Variants in ATP6V1H observed in about 807,000 individuals in gnomAD.
The protein encoded by ATP6V1H is V-type proton ATPase subunit H.
In ATP6V1H, 39 loss-of-function variants were observed where a neutral mutation model predicts 71.7. The observed-to-expected ratio is 0.54, with a 90% confidence interval of 0.42 to 0.71. The LOEUF (loss-of-function observed/expected upper bound fraction) is 0.71. Among genes scored for constraint, ATP6V1H ranks in the 30% least tolerant of loss-of-function variants. The pLI is 0.00. For missense variants in ATP6V1H, 509 were observed against 594.9 expected (o/e 0.86, Z 1.50); for synonymous variants, 192 against 199.3 (o/e 0.96, Z 0.31).
intron 9 of ATP6V1H, among the ~76,000 whole-genome samples, chr8:53,789,770 A>C (rs1194325498): frequency 2.0e-5 from 3 of 152,332 alleles, no homozygotes; most frequent in East Asian, 3.9e-4. Context: ...TACAATTTGA[A>C]AAATAGATAT....
chr8:53,822,830 G>C (rs1810703769), intron 4 of ATP6V1H, among the ~76,000 whole-genome samples: 1 of 151,978 alleles, frequency 6.6e-6, no homozygotes, highest in Non-Finnish European at 1.5e-5. Context: ...ACAACAAGAA[G>C]CCATGAGTTG....
intron 9 of ATP6V1H, among the ~76,000 whole-genome samples, chr8:53,780,001 A>T (rs1017669320): frequency 6.6e-6 from 1 of 152,064 alleles, no homozygotes; most frequent in Non-Finnish European, 1.5e-5. Flanking sequence ...TGTACTAAAA[A>T]TACAAAAATT....
Position 53,759,389 on chromosome 8 carries a change from C to T in ATP6V1H, c.1176-2733G>A, listed in dbSNP as rs139136227. Among the ~76,000 whole-genome samples, 335 of 152,318 alleles carry T rather than the reference C, an allele frequency of 2.2e-3. 2 individuals carry two copies. The highest frequency in any genetic ancestry group is 7.8e-3 in the African/African-American group (324 of 41,566). On this transcript the variant is annotated intron_variant, in intron 11 of 13. Coordinates refer to ENST00000359530, the MANE Select transcript of ATP6V1H (RefSeq NM_015941.4). The stretch of plus-strand genomic sequence containing the variant: ...TCAAAAAAAGACATTTTATGGTATG[C>T]AATGAGAGAACTCCCTCCAAGATGT...
intron 9 of ATP6V1H, among the ~76,000 whole-genome samples, chr8:53,789,102 C>T (rs1183677852): frequency 6.6e-6 from 1 of 152,102 alleles, no homozygotes; most frequent in Non-Finnish European, 1.5e-5. Flanking sequence ...TGAATAAATA[C>T]AAGAGGAAGA....
chr8:53,761,593 C>T (rs190551285), intron 11 of ATP6V1H, among the ~76,000 whole-genome samples: 1 of 152,146 alleles, frequency 6.6e-6, no homozygotes, highest in Non-Finnish European at 1.5e-5. Context: ...TTAAAAAAAA[C>T]CTCCAAGCTC....
chr8:53,808,060 T>C (rs902903859), intron 7 of ATP6V1H, among the ~76,000 whole-genome samples: 4 of 152,202 alleles, frequency 2.6e-5, no homozygotes, highest in Non-Finnish European at 5.9e-5. Context: ...TGACACAGCA[T>C]TCATCTAGCA....
chr8:53,752,053 T>C (rs752798265), intron 12 of ATP6V1H, among the ~76,000 whole-genome samples: 9 of 152,216 alleles, frequency 5.9e-5, no homozygotes, highest in Non-Finnish European at 7.3e-5. Context: ...AAACCTATCA[T>C]TTAAGTTCCA....
chr8:53,732,831 C>A (rs1246429471), intron 13 of ATP6V1H, among the ~76,000 whole-genome samples: 1 of 152,076 alleles, frequency 6.6e-6, no homozygotes, highest in Non-Finnish European at 1.5e-5. Flanking sequence ...CAGAGGCCAG[C>A]AGCCCCCCAG....
intron 13 of ATP6V1H, among the ~76,000 whole-genome samples, chr8:53,735,380 T>TCG (rs1479240706): frequency 3.3e-5 from 5 of 152,170 alleles, no homozygotes; most frequent in Admixed American, 3.3e-4. Context: ...ACAGCAAAGT[T>TCG]ATTAAAGATC....
chr8:53,828,009 T>C (rs1167471090), intron 4 of ATP6V1H, among the ~76,000 whole-genome samples: 6 of 152,200 alleles, frequency 3.9e-5, no homozygotes, highest in Non-Finnish European at 7.3e-5. Flanking sequence ...CAATCTGCCA[T>C]TGATGGGCAT....
intron 4 of ATP6V1H, among the ~76,000 whole-genome samples, chr8:53,823,485 G>T (rs906065743): frequency 6.6e-5 from 10 of 151,904 alleles, no homozygotes; most frequent in East Asian, 1.9e-4. Flanking sequence ...CTTAATTTTT[G>T]GGGGGGCGGG....
At chr8:53,793,775 C>T (rs932808987) in intron 9 of ATP6V1H, among the ~76,000 whole-genome samples, 1 of 152,042 alleles carries the variant, frequency 6.6e-6, no homozygotes, top group South Asian at 2.1e-4. Flanking sequence ...CCCATCTCTA[C>T]TAAAAACACA....
intron 6 of ATP6V1H, among the ~76,000 whole-genome samples, chr8:53,812,796 G>A (rs550434607): frequency 6.6e-6 from 1 of 152,186 alleles, no homozygotes; most frequent in East Asian, 1.9e-4. Flanking sequence ...TCAGGCTCAG[G>A]TGATCCTTCT....
At chr8:53,759,116 G>C (rs1233790851) in intron 11 of ATP6V1H, among the ~76,000 whole-genome samples, 1 of 152,154 alleles carries the variant, frequency 6.6e-6, no homozygotes, top group Non-Finnish European at 1.5e-5. Flanking sequence ...ATTTTAACAA[G>C]ATCTCCATTA....
At chr8:53,825,651 T>C (rs897891512) in intron 4 of ATP6V1H, among the ~76,000 whole-genome samples, 11 of 152,152 alleles carry the variant, frequency 7.2e-5, no homozygotes, top group African/African-American at 2.2e-4. Flanking sequence ...CCAACCACTA[T>C]GGCAAAGACT....
At chr8:53,732,735 G>C (rs914113888) in intron 13 of ATP6V1H, among the ~76,000 whole-genome samples, 1 of 151,270 alleles carries the variant, frequency 6.6e-6, no homozygotes, top group East Asian at 1.9e-4. Context: ...AGAAATCCCA[G>C]AAACAACAAG....
chr8:53,767,085 G>A (rs1808497750), intron 11 of ATP6V1H, among the ~76,000 whole-genome samples: 1 of 152,116 alleles, frequency 6.6e-6, no homozygotes, highest in South Asian at 2.1e-4. Context: ...CGGATGCCCA[G>A]CTTTAAAATT....
Position 53,837,652 on chromosome 8 carries a change from C to G in ATP6V1H, c.113+3926G>C, listed in dbSNP as rs868288821. Among the ~76,000 whole-genome samples, 7 of 152,220 alleles carry G rather than the reference C, an allele frequency of 4.6e-5. 1 individual carries two copies. The South Asian group carries it at 1.5e-3, about 32-fold the overall frequency. On this transcript the variant is annotated intron_variant, in intron 2 of 13. Transcript: ENST00000359530. ...CTGAGGTTTGCTATGTGAGAAAGATCAAGAAGGCGGGAGCTAGAGAGCTGT... is the reference window on the plus strand; with the variant it reads ...CTGAGGTTTGCTATGTGAGAAAGATGAAGAAGGCGGGAGCTAGAGAGCTGT...
chr8:53,825,170 T>C (rs986254978), intron 4 of ATP6V1H, among the ~76,000 whole-genome samples: 2 of 152,092 alleles, frequency 1.3e-5, no homozygotes. Context: ...AATATAATGA[T>C]GTCATTTCTC....
Sources: gnomAD v4.1 joint callset for allele counts (sites outside exome capture counted in the v4.1 genomes callset) on GRCh38, gnomAD v4.1.1 for gene constraint, MANE v1.5 for transcripts, NCBI Gene and HGNC (gene_info 2026-07-23, HGNC 2026-07-21) for gene names.